Variants in BACH2 observed in about 807,000 individuals in gnomAD.
BACH2 encodes the protein transcription regulator protein BACH2.
BACH2 carries 5 observed loss-of-function variants against 61.8 expected under a neutral mutation model. That is an observed-to-expected ratio of 0.08 (90% confidence interval 0.04 to 0.17). The LOEUF (loss-of-function observed/expected upper bound fraction) is 0.17, where lower values mean the gene tolerates loss of function less well. BACH2 is among the 10% of genes least tolerant of loss of function. The pLI is 1.00. For missense variants in BACH2, 824 were observed against 1,091.1 expected, an observed-to-expected ratio of 0.76 and a Z score of 3.45; for synonymous variants, 446 against 440.1, an observed-to-expected ratio of 1.01 and a Z score of -0.17.
intron 8 of BACH2, among the ~76,000 whole-genome samples, chr6:89,937,678 T>C (rs1223399097): frequency 2.6e-5 from 4 of 152,126 alleles, no homozygotes; most frequent in Admixed American, 2.6e-4. Context: ...TACAGGCACG[T>C]GCTGCCATGC....
chr6:90,187,854 C>T (rs79268279), intron 4 of BACH2, among the ~76,000 whole-genome samples: 2,460 of 152,258 alleles, frequency 0.016, 43 homozygotes, highest in East Asian at 0.07. Context: ...TTTTTAAGTA[C>T]ATTTTAGATA....
At chr6:90,076,768 G>C (rs1184000576) in intron 5 of BACH2, among the ~76,000 whole-genome samples, 3 of 152,144 alleles carry the variant, frequency 2.0e-5, no homozygotes, top group Admixed American at 1.3e-4. Flanking sequence ...ATTCAGAGGA[G>C]AGCATGCAAT....
chr6:90,270,674 T>C (rs990278779), intron 2 of BACH2, among the ~76,000 whole-genome samples: 3 of 152,146 alleles, frequency 2.0e-5, no homozygotes, highest in African/African-American at 4.8e-5. Flanking sequence ...ACAGATTCAA[T>C]GCAATTCCCA....
intron 6 of BACH2, among the ~76,000 whole-genome samples, chr6:90,005,161 G>A (rs754341897): frequency 3.2e-4 from 49 of 152,014 alleles, no homozygotes; most frequent in Non-Finnish European, 6.5e-4. Context: ...CTGGACAGTC[G>A]CTGGACGGCA....
intron 7 of BACH2, among the ~76,000 whole-genome samples, chr6:89,949,276 G>T (rs1773928153): frequency 2.0e-5 from 3 of 152,200 alleles, no homozygotes; most frequent in Non-Finnish European, 4.4e-5. Context: ...GAAGGGACTT[G>T]TCACTGGGTT....
At chr6:90,236,348 G>C (rs552979394) in intron 3 of BACH2, among the ~76,000 whole-genome samples, 25 of 152,240 alleles carry the variant, frequency 1.6e-4, no homozygotes, top group Non-Finnish European at 3.1e-4. Flanking sequence ...CCTGAGCCAT[G>C]AGGGACCTCA....
intron 3 of BACH2, among the ~76,000 whole-genome samples, chr6:90,207,811 T>C (rs1031648549): frequency 1.3e-5 from 2 of 152,190 alleles, no homozygotes; most frequent in East Asian, 1.9e-4. Flanking sequence ...CACTGGAGAA[T>C]AACATGTCTG....
intron 5 of BACH2, among the ~76,000 whole-genome samples, chr6:90,075,537 CTGT>C (rs1472095750): frequency 3.4e-5 from 5 of 149,066 alleles, no homozygotes; most frequent in Admixed American, 6.6e-5. Context: ...TAAAATAAGA[CTGT>C]TAACTATGGC....
At chr6:90,213,161 A>G (rs1003802828) in intron 3 of BACH2, among the ~76,000 whole-genome samples, 1 of 152,178 alleles carries the variant, frequency 6.6e-6, no homozygotes, top group Admixed American at 6.5e-5. Flanking sequence ...GAGATGAGTG[A>G]AAGGTCAGGT....
At chr6:90,116,771 G>A (rs2127818245) in intron 4 of BACH2, 2 of 461,196 alleles carry the variant, frequency 4.3e-6, no homozygotes, top group East Asian at 5.3e-5. Context: ...TAAGTAATTT[G>A]CGCCTACAGT....
rs1034460933 is a variant in BACH2 at position 90,244,420 on chromosome 6, A to C, written c.-275+8093T>G. Among the ~76,000 whole-genome samples, 9 of 152,360 alleles carry C rather than the reference A, an allele frequency of 5.9e-5. 1 individual carries two copies. In the East Asian group the frequency reaches 1.4e-3, roughly 23 times the overall value. On this transcript the variant is annotated intron_variant, in intron 3 of 8. Coordinates refer to ENST00000257749, the MANE Select transcript of BACH2 (RefSeq NM_021813.4). Reference sequence around the variant, plus strand: ...TTTACAGATTCAAACACTGAAGCTCAGTGAAGTCAAGCAGAAACTCTGCTG... The same window carrying C: ...TTTACAGATTCAAACACTGAAGCTCCGTGAAGTCAAGCAGAAACTCTGCTG...
intron 4 of BACH2, among the ~76,000 whole-genome samples, chr6:90,142,190 C>T (rs1784483929): frequency 1.3e-5 from 2 of 152,186 alleles, no homozygotes; most frequent in East Asian, 3.8e-4. Flanking sequence ...GAGATAGAAT[C>T]TTTGACTTAG....
At chr6:90,187,714 G>C (rs1768410074) in intron 4 of BACH2, among the ~76,000 whole-genome samples, 1 of 152,202 alleles carries the variant, frequency 6.6e-6, no homozygotes, top group Non-Finnish European at 1.5e-5. Context: ...AGAGGATTAG[G>C]ATCAGATTAT....
intron 6 of BACH2, among the ~76,000 whole-genome samples, chr6:89,998,091 C>T (rs1181140104): frequency 2.0e-5 from 3 of 152,140 alleles, no homozygotes; most frequent in African/African-American, 4.8e-5. Context: ...AAGCTGGAGG[C>T]CTGTAATTGT....
At chr6:90,199,679 C>T (rs975489351) in intron 4 of BACH2, among the ~76,000 whole-genome samples, 6 of 152,194 alleles carry the variant, frequency 3.9e-5, no homozygotes, top group Non-Finnish European at 8.8e-5. Context: ...TTAACATTTC[C>T]ATGCACCTCA....
intron 4 of BACH2, among the ~76,000 whole-genome samples, chr6:90,148,712 G>A (rs530367314): frequency 2.6e-5 from 4 of 152,182 alleles, no homozygotes; most frequent in African/African-American, 9.6e-5. Context: ...ACGCATACAC[G>A]CACACCTACA....
At chr6:90,087,486 G>A in intron 5 of BACH2, among the ~76,000 whole-genome samples, 1 of 152,160 alleles carries the variant, frequency 6.6e-6, no homozygotes, top group East Asian at 1.9e-4. Context: ...ATGTACATTT[G>A]TATGTATGCT....
chr6:90,157,695 C>T (rs114676785), intron 4 of BACH2, among the ~76,000 whole-genome samples: 4 of 152,084 alleles, frequency 2.6e-5, no homozygotes, highest in Admixed American at 6.5e-5. Context: ...ACCAGCTGCC[C>T]GAGCAGATGG....
intron 1 of BACH2, among the ~76,000 whole-genome samples, chr6:90,292,007 T>C (rs1355794324): frequency 2.6e-5 from 4 of 152,200 alleles, no homozygotes; most frequent in Admixed American, 2.6e-4. Flanking sequence ...GTCTGCTATC[T>C]GAATTGCAGA....
Sources: gnomAD v4.1 joint callset for allele counts (sites outside exome capture counted in the v4.1 genomes callset) on GRCh38, gnomAD v4.1.1 for gene constraint, MANE v1.5 for transcripts, NCBI Gene and HGNC (gene_info 2026-07-23, HGNC 2026-07-21) for gene names.